The following ZNF474 variants were observed in gnomAD, a reference collection of about 807,000 sequenced individuals.
ZNF474 encodes the protein 4933409D10Rik.
For synonymous variants in ZNF474, 192 were observed against 162.2 expected (o/e 1.18, Z -1.39); for missense variants, 511 against 433.8 (o/e 1.18, Z -1.58).
Position 122,145,435 on chromosome 5 carries a change from T to G in ZNF474, c.-212-6344T>G, listed in dbSNP as rs567579318. 9.4e-4 allele frequency among the ~76,000 whole-genome samples: 143 copies of G among 152,236 alleles called. 6 individuals are homozygous for G. The South Asian group carries it at 0.029, about 31-fold the overall frequency. ...CCTAGAAAAGAGTATGCAGAACCAG[T>G]GAGAATGAGCCTGACAAGCTGCCCT... On this transcript the variant is annotated intron_variant, in intron 1 of 1. Coordinates refer to ENST00000296600, the MANE Select transcript of ZNF474 (RefSeq NM_207317.3).
intron 1 of ZNF474, among the ~76,000 whole-genome samples, chr5:122,143,029 G>C (rs187441970): frequency 6.1e-4 from 93 of 152,220 alleles, no homozygotes; most frequent in African/African-American, 2.0e-3. Flanking sequence ...ATTAACAAAG[G>C]GTGTTGATGT....
chr5:122,149,064 C>A (rs1488531194), intron 1 of ZNF474, among the ~76,000 whole-genome samples: 2 of 152,048 alleles, frequency 1.3e-5, no homozygotes, highest in African/African-American at 4.8e-5. Flanking sequence ...AAACAGAAAA[C>A]CAAATACCAC....
At chr5:122,151,188 C>T (rs751860961) in intron 1 of ZNF474, among the ~76,000 whole-genome samples, 1 of 152,138 alleles carries the variant, frequency 6.6e-6, no homozygotes, top group Non-Finnish European at 1.5e-5. Context: ...AAATGTATAT[C>T]ACAACTAGAA....
rs115528275 is a variant in ZNF474 at position 122,134,779 on chromosome 5, G to A, written c.-213+5096G>A. On this transcript the variant is annotated intron_variant, in intron 1 of 1. Coordinates refer to ENST00000296600, the MANE Select transcript of ZNF474 (RefSeq NM_207317.3). ...GTACTTGGGGGTTCTCTTTAGAAGG[G>A]AGATGACTAGATAATTATATGCAGA... Among the ~76,000 whole-genome samples, 1,217 of 152,210 alleles carry A rather than the reference G, an allele frequency of 8.0e-3. 7 individuals are homozygous for A. Among genetic ancestry groups the A allele is most frequent in the Middle Eastern group, 0.034 (10 of 294 alleles).
At chr5:122,134,328 G>A (rs1191866803) in intron 1 of ZNF474, among the ~76,000 whole-genome samples, 1 of 152,228 alleles carries the variant, frequency 6.6e-6, no homozygotes. Flanking sequence ...GACTCTAACA[G>A]GAGCCTTATG....
chr5:122,151,903 T>C lies in ZNF474; in HGVS notation c.-88T>C. 6.7e-7 allele frequency: 1 copy of C among 1,497,798 alleles called. No individual in the cohort carries two copies. Among genetic ancestry groups the C allele is most frequent in the Non-Finnish European group, 8.9e-7 (1 of 1,128,678 alleles). 92.8% of individuals were successfully genotyped at this position (1,497,798 alleles called of 1,614,324 possible). A position where few individuals can be genotyped will look rare whatever the true frequency, so the allele number is the denominator to read the frequency against. On this transcript the variant is annotated 5_prime_UTR_variant, in exon 2 of 2. Transcript: ENST00000296600. ...GCAACGGTGTGAACCCCAGGACAACTAACCTCACTAACCTTCACTCTAAGC... is the reference window on the plus strand; with the variant it reads ...GCAACGGTGTGAACCCCAGGACAACCAACCTCACTAACCTTCACTCTAAGC...
chr5:122,137,326 C>A lies in ZNF474; in HGVS notation c.-213+7643C>A, dbSNP rs142711781. ...AGCCAGGCGTGGTGGCAGGTGCCTG[C>A]AATCTCAGCTACTTGGGAGGCTGAG... On this transcript the variant is annotated intron_variant, in intron 1 of 1. Coordinates refer to ENST00000296600, the MANE Select transcript of ZNF474 (RefSeq NM_207317.3). Among the ~76,000 whole-genome samples, 1,061 of 151,246 alleles carry A rather than the reference C, an allele frequency of 7.0e-3. 14 individuals are homozygous for A. Among genetic ancestry groups the A allele is most frequent in the African/African-American group, 0.024 (996 of 41,256 alleles).
At chr5:122,130,718 C>G (rs1229474109) in intron 1 of ZNF474, among the ~76,000 whole-genome samples, 1 of 151,926 alleles carries the variant, frequency 6.6e-6, no homozygotes, top group Non-Finnish European at 1.5e-5. Context: ...GTATGACTGA[C>G]AAATAAAAAT....
intron 1 of ZNF474, among the ~76,000 whole-genome samples, chr5:122,133,390 C>T (rs2152603075): frequency 6.6e-6 from 1 of 152,272 alleles, no homozygotes; most frequent in South Asian, 2.1e-4. Flanking sequence ...TAAATGTCAT[C>T]ACATATTCTT....
Position 122,151,855 on chromosome 5 carries a change from C to A in ZNF474, c.-136C>A. ...CGTCCTGCAATGAAGCTCTGAGTCACGGTCTGTGAGGCTAAGGTACTGGCA... is the reference window on the plus strand; with the variant it reads ...CGTCCTGCAATGAAGCTCTGAGTCAAGGTCTGTGAGGCTAAGGTACTGGCA... On this transcript the variant is annotated 5_prime_UTR_variant, in exon 2 of 2. Coordinates refer to ENST00000296600, the MANE Select transcript of ZNF474 (RefSeq NM_207317.3). The A allele has an allele frequency of 9.4e-7, 1 of 1,061,546 alleles. No homozygotes were observed. Among genetic ancestry groups the A allele is most frequent in the Non-Finnish European group, 1.3e-6 (1 of 744,296 alleles). 65.8% of individuals were successfully genotyped at this position (1,061,546 alleles called of 1,614,324 possible). A position where few individuals can be genotyped will look rare whatever the true frequency, so the allele number is the denominator to read the frequency against.
At chr5:122,144,110 CTG>C (rs1755923299) in intron 1 of ZNF474, among the ~76,000 whole-genome samples, 1 of 152,076 alleles carries the variant, frequency 6.6e-6, no homozygotes, top group Non-Finnish European at 1.5e-5. Flanking sequence ...GTCACCGATT[CTG>C]TCTTTTCTTC....
intron 1 of ZNF474, chr5:122,148,013 ACTGT>A (rs753089988): frequency 3.3e-5 from 5 of 152,240 alleles, no homozygotes; most frequent in Non-Finnish European, 7.3e-5. Flanking sequence ...TTGAGGTAAA[ACTGT>A]CTGGCTTTGC....
intron 1 of ZNF474, among the ~76,000 whole-genome samples, chr5:122,138,171 G>C (rs149649086): frequency 6.6e-6 from 1 of 152,336 alleles, no homozygotes; most frequent in East Asian, 1.9e-4. Context: ...AAGGGGAGCA[G>C]AAGGAAAATA....
At chr5:122,150,559 GC>G (rs1756140213) in intron 1 of ZNF474, among the ~76,000 whole-genome samples, 1 of 152,132 alleles carries the variant, frequency 6.6e-6, no homozygotes, top group African/African-American at 2.4e-5. Flanking sequence ...CATACCAGGG[GC>G]TGCTCTTCTG....
At chr5:122,146,125 T>C (rs1755982856) in intron 1 of ZNF474, among the ~76,000 whole-genome samples, 1 of 152,198 alleles carries the variant, frequency 6.6e-6, no homozygotes, top group Non-Finnish European at 1.5e-5. Flanking sequence ...AAATGGCCTC[T>C]TGCTCCCCAC....
At chr5:122,142,955 C>T (rs1755886981) in intron 1 of ZNF474, among the ~76,000 whole-genome samples, 1 of 152,168 alleles carries the variant, frequency 6.6e-6, no homozygotes, top group Non-Finnish European at 1.5e-5. Context: ...CTTATGGACT[C>T]TGCTGTTTTT....
chr5:122,132,127 T>C (rs1317581786), intron 1 of ZNF474, among the ~76,000 whole-genome samples: 3 of 152,124 alleles, frequency 2.0e-5, no homozygotes. Flanking sequence ...CGGCAGCACA[T>C]TATTCAAAGG....
intron 1 of ZNF474, among the ~76,000 whole-genome samples, chr5:122,132,137 G>T (rs1490870413): frequency 6.6e-6 from 1 of 151,948 alleles, no homozygotes; most frequent in African/African-American, 2.4e-5. Flanking sequence ...TTATTCAAAG[G>T]GATCCATGTA....
chr5:122,136,360 A>T (rs1755700002), intron 1 of ZNF474, among the ~76,000 whole-genome samples: 1 of 151,814 alleles, frequency 6.6e-6, no homozygotes. Context: ...AGCACTCAGA[A>T]CATATGTGGT....
Sources: gnomAD v4.1 joint callset for allele counts (sites outside exome capture counted in the v4.1 genomes callset) on GRCh38, gnomAD v4.1.1 for gene constraint, MANE v1.5 for transcripts, NCBI Gene and HGNC (gene_info 2026-07-23, HGNC 2026-07-21) for gene names.